KAZN: variants seen among roughly 807,000 people sequenced by gnomAD.
KAZN encodes the protein kazrin.
In KAZN, 40 loss-of-function variants were observed where a neutral mutation model predicts 87.4. The ratio of observed to expected loss-of-function variants is 0.46; its 90% CI spans 0.36 to 0.60. The LOEUF (loss-of-function observed/expected upper bound fraction) is 0.60, where lower values mean the gene tolerates loss of function less well. Ranked by LOEUF, KAZN falls within the 20% of genes least tolerant of loss-of-function variation. The pLI, the probability that KAZN is intolerant of heterozygous loss-of-function variation, is 0.00. For synonymous variants in KAZN, 466 were observed against 458.3 expected, an observed-to-expected ratio of 1.02 and a Z score of -0.22; for missense variants, 898 against 1,073.9, an observed-to-expected ratio of 0.84 and a Z score of 2.29.
intron 1 of KAZN, among the ~76,000 whole-genome samples, chr1:14,742,467 T>C (rs1343510687): frequency 6.6e-6 from 1 of 152,216 alleles, no homozygotes; most frequent in African/African-American, 2.4e-5. Flanking sequence ...AAGTGCATTC[T>C]TGCGTACGTG....
chr1:14,264,320 A>C lies in KAZN; in HGVS notation c.249+83728A>C, dbSNP rs72644443. Among the ~76,000 whole-genome samples, 1,067 of 152,282 alleles carry C rather than the reference A, an allele frequency of 7.0e-3. 7 individuals carry two copies. The highest frequency in any genetic ancestry group is 0.014 in the Middle Eastern group (4 of 294). On this transcript the variant is annotated intron_variant, in intron 2 of 16. Coordinates refer to the KAZN transcript ENST00000636203. ...TGGGTGTTTGCTAGAGGCCACTCACATTCCTTCTCATGCTTGACACAACTT... is the reference window on the plus strand; with the variant it reads ...TGGGTGTTTGCTAGAGGCCACTCACCTTCCTTCTCATGCTTGACACAACTT...
intron 2 of KAZN, among the ~76,000 whole-genome samples, chr1:14,228,217 A>C (rs932576311): frequency 2.0e-5 from 3 of 152,188 alleles, no homozygotes; most frequent in African/African-American, 7.2e-5. Flanking sequence ...TGGCAATGAC[A>C]GCAGCAGTGA....
chr1:14,641,441 A>G (rs1382521408), intron 1 of KAZN, among the ~76,000 whole-genome samples: 1 of 152,194 alleles, frequency 6.6e-6, no homozygotes, highest in African/African-American at 2.4e-5. Flanking sequence ...AGCCAGTAGC[A>G]GGCCATGCAG....
intron 2 of KAZN, among the ~76,000 whole-genome samples, chr1:14,368,871 C>T (rs1357852866): frequency 6.6e-6 from 1 of 151,758 alleles, no homozygotes; most frequent in African/African-American, 2.4e-5. Flanking sequence ...CTTTTTTTTT[C>T]TCCAAGTACA....
In KAZN at chr1:15,099,639, G is replaced by A. The variant is rs983762582; in HGVS notation, c.1548-1904G>A. ...GGAGGGGAAGTCAGCCAGGGCCAGT[G>A]CAGGTGACCCTTGTGGACCATTCAA... On this transcript the variant is annotated intron_variant, in intron 10 of 14. Coordinates refer to ENST00000376030, the MANE Select transcript of KAZN (RefSeq NM_201628.3). This position sits in a 1 kb window ranked among gnomAD's most constrained non-coding sequence, Gnocchi z 5.4. 3.3e-5 allele frequency among the ~76,000 whole-genome samples: 5 copies of A among 152,186 alleles called. No homozygotes were observed. The highest frequency in any genetic ancestry group is 7.3e-5 in the Non-Finnish European group (5 of 68,028).
chr1:14,558,092 C>T (rs555969798), intron 2 of KAZN, among the ~76,000 whole-genome samples: 4 of 152,332 alleles, frequency 2.6e-5, no homozygotes, highest in Admixed American at 2.6e-4. Context: ...AGAATCCCTT[C>T]TTCTTTTCAA....
intron 2 of KAZN, among the ~76,000 whole-genome samples, chr1:14,260,104 C>G (rs1041149721): frequency 6.6e-6 from 1 of 152,202 alleles, no homozygotes; most frequent in Non-Finnish European, 1.5e-5. Flanking sequence ...TTCACGACCT[C>G]TTCCCCTTTC....
chr1:14,493,384 CAG>C (rs1362261801), intron 2 of KAZN, among the ~76,000 whole-genome samples: 1 of 152,164 alleles, frequency 6.6e-6, no homozygotes, highest in Non-Finnish European at 1.5e-5. Flanking sequence ...AGGGGGCTCC[CAG>C]AGAAAAGGAG....
intron 1 of KAZN, among the ~76,000 whole-genome samples, chr1:14,853,371 G>A (rs559524668): frequency 1.1e-4 from 16 of 152,220 alleles, no homozygotes; most frequent in Middle Eastern, 3.4e-3. Context: ...ATGTTACCTC[G>A]TGGGTGCCAG....
intron 1 of KAZN, among the ~76,000 whole-genome samples, chr1:14,702,837 T>A (rs1468204502): frequency 6.6e-6 from 1 of 152,142 alleles, no homozygotes; most frequent in African/African-American, 2.4e-5. Context: ...TTCTTACTGT[T>A]TTTTCTTTCT....
At chr1:14,431,793 C>T (rs905904702) in intron 2 of KAZN, among the ~76,000 whole-genome samples, 1 of 152,178 alleles carries the variant, frequency 6.6e-6, no homozygotes, top group Admixed American at 6.5e-5. Flanking sequence ...TCCAGGGGCT[C>T]TCAGGCCTTT....
At chr1:14,693,626 C>T (rs1370628700) in intron 1 of KAZN, among the ~76,000 whole-genome samples, 1 of 152,170 alleles carries the variant, frequency 6.6e-6, no homozygotes, top group African/African-American at 2.4e-5. Flanking sequence ...TTCCATAAAC[C>T]GTCTGTGGGA....
intron 2 of KAZN, among the ~76,000 whole-genome samples, chr1:14,358,323 AG>A (rs34508834): frequency 0.08 from 11,949 of 149,334 alleles, 540 homozygotes; most frequent in African/African-American, 0.11. Flanking sequence ...CTTCTTTATT[AG>A]TCTGGCTAGA....
chr1:14,514,598 T>TATATAATATATGAA (rs1671190868), intron 2 of KAZN, among the ~76,000 whole-genome samples: 1 of 30,874 alleles, frequency 3.2e-5, no homozygotes, highest in Non-Finnish European at 4.9e-5. Context: ...TTATATTTTA[T>TATATAATATATGAA]ATATATATAT....
chr1:14,924,815 C>G (rs1423423624), intron 1 of KAZN, among the ~76,000 whole-genome samples: 1 of 152,090 alleles, frequency 6.6e-6, no homozygotes, highest in Non-Finnish European at 1.5e-5. Flanking sequence ...CCGCGCTTGC[C>G]GGAGCCAGGC....
At chr1:14,924,582 CGCGGGGCGGG>C in intron 1 of KAZN, 1 of 1,006,586 alleles carries the variant, frequency 9.9e-7, no homozygotes, top group Non-Finnish European at 1.2e-6. Flanking sequence ...GGTAGGTGCG[CGCGGGGCGGG>C]GCGGGGCGGG....
intron 8 of KAZN, among the ~76,000 whole-genome samples, chr1:15,087,752 T>C (rs2100655544): frequency 6.6e-6 from 1 of 152,324 alleles, no homozygotes; most frequent in East Asian, 1.9e-4. Context: ...GGCTTGTAGC[T>C]GCTGTACTGG....
chr1:14,897,139 A>C (rs967578523), intron 1 of KAZN, among the ~76,000 whole-genome samples: 1 of 152,164 alleles, frequency 6.6e-6, no homozygotes, highest in African/African-American at 2.4e-5. Flanking sequence ...CTTCATCCTC[A>C]GGCTGAAGTT....
In KAZN at chr1:14,514,382, A is replaced by AT. The variant is rs1671117911; in HGVS notation, c.250-84600dup. Among the ~76,000 whole-genome samples the AT allele has an allele frequency of 8.1e-4, 18 of 22,262 alleles. 3 individuals are homozygous for AT. The highest frequency in any genetic ancestry group is 3.1e-3 in the African/African-American group (17 of 5,554). The allele number at this position is 22,262 out of a possible 152,430, so 14.6% of individuals were successfully genotyped here. A position where few individuals can be genotyped will look rare whatever the true frequency, so the allele number is the denominator to read the frequency against. ...ATATATATTTATATATATAATATAT[A>AT]TATATTATATATATTTATATATATA... On this transcript the variant is annotated intron_variant, in intron 2 of 16. Transcript: ENST00000636203.
Sources: allele counts gnomAD v4.1 joint callset (sites outside exome capture counted in the v4.1 genomes callset), GRCh38; gene constraint gnomAD v4.1.1; non-coding constraint Gnocchi (gnomAD v3.1); transcripts MANE v1.5; gene names NCBI Gene and HGNC (gene_info 2026-07-23, HGNC 2026-07-21).